TSHR: variants seen among roughly 807,000 people sequenced by gnomAD.
TSHR encodes the protein thyroid stimulating hormone receptor.
In TSHR, 51 loss-of-function variants were observed where a neutral mutation model predicts 64.1. The ratio of observed to expected loss-of-function variants is 0.80; its 90% CI spans 0.64 to 1.01. The LOEUF is 1.01. Ranked by LOEUF, TSHR falls within the 50% of genes least tolerant of loss-of-function variation. TSHR has a pLI of 0.00. For missense variants in TSHR, 877 were observed against 942.8 expected (o/e 0.93, Z 0.91); for synonymous variants, 361 against 361.9 (o/e 1.00, Z 0.03).
intron 1 of TSHR, among the ~76,000 whole-genome samples, chr14:81,025,751 T>A (rs962542454): frequency 3.3e-5 from 5 of 152,210 alleles, no homozygotes; most frequent in Admixed American, 3.3e-4. Flanking sequence ...ATCCCTAAAC[T>A]GCTTTCTGGA....
intron 1 of TSHR, among the ~76,000 whole-genome samples, chr14:81,026,359 T>C (rs188897865): frequency 4.1e-4 from 62 of 152,346 alleles, no homozygotes; most frequent in Non-Finnish European, 1.0e-4. Context: ...TGTGTGTGTA[T>C]ATGCACACGC....
chr14:81,090,079 T>C, intron 4 of TSHR, among the ~76,000 whole-genome samples: 1 of 152,156 alleles, frequency 6.6e-6, no homozygotes, highest in East Asian at 1.9e-4. Context: ...TACATTCAAG[T>C]AGCTGCAACA....
intron 1 of TSHR, among the ~76,000 whole-genome samples, chr14:81,000,805 T>A (rs939227716): frequency 3.0e-4 from 45 of 152,322 alleles, no homozygotes; most frequent in Middle Eastern, 3.4e-3. Flanking sequence ...GCTAATGAAT[T>A]AATTAAGAGG....
chr14:81,021,021 G>C (rs931710373), intron 1 of TSHR, among the ~76,000 whole-genome samples: 9 of 151,918 alleles, frequency 5.9e-5, no homozygotes, highest in African/African-American at 1.9e-4. Context: ...CTAGTTGCAG[G>C]AAAACAAGCT....
At chr14:80,958,278 A>G (rs1886817477) in intron 1 of TSHR, 1 of 152,174 alleles carries the variant, frequency 6.6e-6, no homozygotes, top group Non-Finnish European at 1.5e-5. Context: ...CATTTTATAG[A>G]TGAGGACCTT....
intron 1 of TSHR, among the ~76,000 whole-genome samples, chr14:81,006,263 C>A (rs2139768480): frequency 6.6e-6 from 1 of 152,288 alleles, no homozygotes; most frequent in African/African-American, 2.4e-5. Flanking sequence ...GCTTAAACAA[C>A]AACAGTTTAT....
chr14:81,019,806 T>C (rs1231271092), intron 1 of TSHR, among the ~76,000 whole-genome samples: 1 of 152,222 alleles, frequency 6.6e-6, no homozygotes, highest in Non-Finnish European at 1.5e-5. Context: ...TTTTTATGGA[T>C]GCATAGTATT....
chr14:81,108,803 G>A, intron 8 of TSHR: 4 of 1,557,026 alleles, frequency 2.6e-6, no homozygotes, highest in Non-Finnish European at 3.5e-6. Context: ...TCTAGTCTTT[G>A]CAGAAAAAAA....
At chr14:81,079,175 G>A (rs942856824) in intron 3 of TSHR, among the ~76,000 whole-genome samples, 3 of 152,190 alleles carry the variant, frequency 2.0e-5, no homozygotes, top group Non-Finnish European at 4.4e-5. Flanking sequence ...GGACCGAAAA[G>A]TATGCATGTA....
chr14:81,097,370 T>C (rs1290303485), intron 7 of TSHR, among the ~76,000 whole-genome samples: 1 of 152,240 alleles, frequency 6.6e-6, no homozygotes, highest in African/African-American at 2.4e-5. Flanking sequence ...AGTAATTTTA[T>C]GTTCCAGAAA....
In TSHR at chr14:81,091,088, C is replaced by T. The variant is rs1473074598; in HGVS notation, c.412C>T (p.Leu138Phe). Residue 138 changes from leucine (L) to phenylalanine (F), a missense_variant, in exon 5 of 10, where the codon CTT becomes TTT. Physicochemically the swap from Leu to Phe is conservative, Grantham distance 22. Transcript: ENST00000298171. ...ATTTAGTGGCATTTTCAACACTGGA[C>T]TTAAAATGTTCCCTGACCTGACCAA... ...LKFLGIFNTG[L>F]KMFPDLTKVY... The T allele has an allele frequency of 1.2e-6, 2 of 1,612,002 alleles. No homozygotes were observed. Among genetic ancestry groups the T allele is most frequent in the Non-Finnish European group, 1.7e-6 (2 of 1,179,822 alleles).
At chr14:81,032,953 T>A (rs1450631982) in intron 1 of TSHR, 3 of 354,948 alleles carry the variant, frequency 8.5e-6, no homozygotes, top group Non-Finnish European at 1.7e-5. Context: ...TCAAAAGAGA[T>A]CCCTAGAGCC....
At chr14:80,974,398 A>C (rs1233783900) in intron 1 of TSHR, among the ~76,000 whole-genome samples, 1 of 152,226 alleles carries the variant, frequency 6.6e-6, no homozygotes, top group Non-Finnish European at 1.5e-5. Context: ...TCTCTGTGCC[A>C]ATAGAGCACA....
At chr14:81,017,537 C>A (rs12880945) in intron 1 of TSHR, among the ~76,000 whole-genome samples, 13,200 of 152,152 alleles carry the variant, frequency 0.087, 832 homozygotes, top group South Asian at 0.2. Flanking sequence ...ACAGCTGGTA[C>A]CCAAATGCCC....
At chr14:80,985,128 T>C (rs1040914053) in intron 1 of TSHR, among the ~76,000 whole-genome samples, 9 of 152,138 alleles carry the variant, frequency 5.9e-5, no homozygotes, top group African/African-American at 1.4e-4. Flanking sequence ...CGGGCGCCTG[T>C]AGTCCCAGCT....
intron 5 of TSHR, among the ~76,000 whole-genome samples, chr14:81,092,219 T>A (rs1566808188): frequency 6.6e-6 from 1 of 152,182 alleles, no homozygotes. Flanking sequence ...GGACAAAGTG[T>A]TGCAGATTCG....
At chr14:81,048,382 T>G (rs1488737402) in intron 1 of TSHR, among the ~76,000 whole-genome samples, 3 of 152,208 alleles carry the variant, frequency 2.0e-5, no homozygotes, top group Non-Finnish European at 4.4e-5. Context: ...ACATTCTTCC[T>G]ATATCTACAT....
intron 1 of TSHR, among the ~76,000 whole-genome samples, chr14:81,022,528 G>A (rs1249539780): frequency 6.6e-6 from 1 of 151,992 alleles, no homozygotes; most frequent in African/African-American, 2.4e-5. Flanking sequence ...GTATTAAGAT[G>A]TGGGGTGTTT....
intron 2 of TSHR, among the ~76,000 whole-genome samples, chr14:81,063,753 G>C (rs1886403578): frequency 6.6e-6 from 1 of 152,134 alleles, no homozygotes; most frequent in South Asian, 2.1e-4. Context: ...ATTCCTAAGA[G>C]AGTGATGAGT....
Sources: gnomAD v4.1 joint callset for allele counts (sites outside exome capture counted in the v4.1 genomes callset) on GRCh38, gnomAD v4.1.1 for gene constraint, MANE v1.5 for transcripts, NCBI Gene and HGNC (gene_info 2026-07-23, HGNC 2026-07-21) for gene names.